RALA: variants seen among roughly 807,000 people sequenced by gnomAD.
RALA encodes ras-related protein Ral-A.
A neutral mutation model predicts 24.0 loss-of-function variants in RALA; 5 were observed. The observed-to-expected ratio is 0.21, with a 90% CI of 0.11 to 0.44. The LOEUF (loss-of-function observed/expected upper bound fraction) is 0.44. RALA is among the 20% of genes least tolerant of loss of function. RALA has a pLI of 0.99. For synonymous variants in RALA, 77 were observed against 83.8 expected (o/e 0.92, Z 0.44); for missense variants, 95 against 241.2 (o/e 0.39, Z 4.01).
intron 1 of RALA, among the ~76,000 whole-genome samples, chr7:39,632,469 A>G (rs1791614410): frequency 1.3e-5 from 2 of 152,318 alleles, no homozygotes; most frequent in Middle Eastern, 3.4e-3. Flanking sequence ...TAGTTTGGCT[A>G]TGTATATACC....
chr7:39,676,716 G>T (rs1231898547), intron 1 of RALA, among the ~76,000 whole-genome samples: 1 of 152,146 alleles, frequency 6.6e-6, no homozygotes, highest in Non-Finnish European at 1.5e-5. Context: ...TGGCAGGCAT[G>T]GGGTATTTGA....
At chr7:39,636,023 T>C (rs1791679657) in intron 1 of RALA, among the ~76,000 whole-genome samples, 1 of 152,226 alleles carries the variant, frequency 6.6e-6, no homozygotes, top group Admixed American at 6.5e-5. Flanking sequence ...TCATCCATGT[T>C]GTAGCATGCG....
intron 1 of RALA, among the ~76,000 whole-genome samples, chr7:39,656,568 T>C (rs896361710): frequency 2.0e-5 from 3 of 152,232 alleles, no homozygotes; most frequent in Non-Finnish European, 4.4e-5. Flanking sequence ...CAAGTTTCTT[T>C]GTCTTCATAC....
intron 1 of RALA, among the ~76,000 whole-genome samples, chr7:39,680,582 A>T (rs188482827): frequency 6.6e-6 from 1 of 152,016 alleles, no homozygotes; most frequent in Admixed American, 6.6e-5. Flanking sequence ...TCAAAAAAAA[A>T]AAAAAGATTA....
At chr7:39,630,156 A>G (rs906970998) in intron 1 of RALA, among the ~76,000 whole-genome samples, 1 of 141,292 alleles carries the variant, frequency 7.1e-6, no homozygotes, top group East Asian at 2.1e-4. Flanking sequence ...TGATCTTCCC[A>G]CCTCAGCCTC....
At chr7:39,640,926 T>G (rs1791803410) in intron 1 of RALA, among the ~76,000 whole-genome samples, 1 of 152,198 alleles carries the variant, frequency 6.6e-6, no homozygotes, top group East Asian at 1.9e-4. Flanking sequence ...CTTCTCCATT[T>G]TACTGGCAGA....
chr7:39,652,329 A>G (rs1194491823), intron 1 of RALA, among the ~76,000 whole-genome samples: 1 of 152,180 alleles, frequency 6.6e-6, no homozygotes, highest in Non-Finnish European at 1.5e-5. Context: ...AAACATTCAA[A>G]CTGTAATAGC....
intron 1 of RALA, among the ~76,000 whole-genome samples, chr7:39,676,853 C>G (rs1407975496): frequency 6.6e-6 from 1 of 152,118 alleles, no homozygotes; most frequent in East Asian, 1.9e-4. Context: ...TCCGAAGCTC[C>G]TTGACCCACT....
intron 3 of RALA, among the ~76,000 whole-genome samples, chr7:39,695,978 C>A (rs927437058): frequency 5.3e-5 from 8 of 152,158 alleles, no homozygotes; most frequent in Non-Finnish European, 1.0e-4. Context: ...TCACATTTAA[C>A]CCTCATAGCA....
At chr7:39,665,525 T>G (rs1792270240) in intron 1 of RALA, among the ~76,000 whole-genome samples, 1 of 152,132 alleles carries the variant, frequency 6.6e-6, no homozygotes, top group Non-Finnish European at 1.5e-5. Flanking sequence ...CCAATCCCTG[T>G]GTTATCCAAG....
At chr7:39,672,598 G>T (rs1007508837) in intron 1 of RALA, among the ~76,000 whole-genome samples, 1 of 149,744 alleles carries the variant, frequency 6.7e-6, no homozygotes, top group Non-Finnish European at 1.5e-5. Flanking sequence ...TTTAAAAAAT[G>T]GAAATAACAT....
chr7:39,649,972 A>G (rs1791993258), intron 1 of RALA, among the ~76,000 whole-genome samples: 1 of 152,234 alleles, frequency 6.6e-6, no homozygotes, highest in South Asian at 2.1e-4. Context: ...GACCTTAACA[A>G]AAGCTTTATA....
Position 39,696,874 on chromosome 7 carries a change from T to C in RALA, c.498+15T>C. On this transcript the variant is annotated intron_variant, in intron 4 of 4. Transcript: ENST00000005257. ...ATGTTGACAAGGTAACACGTGACTCTTTACTACTGCATCATGTTAAAATAG... is the reference window on the plus strand; with the variant it reads ...ATGTTGACAAGGTAACACGTGACTCCTTACTACTGCATCATGTTAAAATAG... 1 of 1,601,428 alleles carries C rather than the reference T, an allele frequency of 6.2e-7. No individual in the cohort carries two copies. The highest frequency in any genetic ancestry group is 1.3e-5 in the African/African-American group (1 of 74,334).
intron 1 of RALA, among the ~76,000 whole-genome samples, chr7:39,678,324 G>C (rs1328682074): frequency 1.3e-5 from 2 of 152,144 alleles, no homozygotes; most frequent in Non-Finnish European, 2.9e-5. Context: ...ATACATTGTG[G>C]AACCTGTTAA....
Position 39,678,194 on chromosome 7 carries a change from T to TAA in RALA, c.-37-8423_-37-8422dup, listed in dbSNP as rs59832559. On this transcript the variant is annotated intron_variant, in intron 1 of 4. Transcript: ENST00000005257. ...TGTACCCTAAAACTTAAAGTATAAT[T>TAA]AAAAAAAAAAAAAAAGATTCATTTT... 1.5e-4 allele frequency among the ~76,000 whole-genome samples: 20 copies of TAA among 137,830 alleles called. 1 individual carries two copies. The highest frequency in any genetic ancestry group is 4.5e-4 in the African/African-American group (17 of 37,928). 90.4% of individuals were successfully genotyped at this position (137,830 alleles called of 152,430 possible). A position where few individuals can be genotyped will look rare whatever the true frequency, so the allele number is the denominator to read the frequency against.
rs1388812503 is a variant in RALA, at chr7:39,623,801, G to T, written c.-62G>T. On this transcript the variant is annotated 5_prime_UTR_variant, in exon 1 of 5. Transcript: ENST00000005257. This position sits in a 1 kb window ranked among gnomAD's most constrained non-coding sequence, Gnocchi z 4.9. Reference sequence around the variant, plus strand: ...CAGCCGCGGCTTCCGGAGCCCTCGGGGCGGCGGACTGGCTCGCGGTGCAGG... The same window carrying T: ...CAGCCGCGGCTTCCGGAGCCCTCGGTGCGGCGGACTGGCTCGCGGTGCAGG... 3 of 152,168 alleles carry T rather than the reference G, an allele frequency of 2.0e-5. No homozygotes were observed. The highest frequency in any genetic ancestry group is 4.4e-5 in the Non-Finnish European group (3 of 68,096). 9.4% of individuals were successfully genotyped at this position (152,168 alleles called of 1,614,324 possible).
chr7:39,673,115 G>A (rs1343040376), intron 1 of RALA, among the ~76,000 whole-genome samples: 2 of 152,112 alleles, frequency 1.3e-5, no homozygotes, highest in Non-Finnish European at 2.9e-5. Flanking sequence ...TTGAGCTTGA[G>A]AGACGGAGGT....
rs141740149 is a variant in RALA, at chr7:39,657,218, G to A, written c.-37-29413G>A. Among the ~76,000 whole-genome samples the A allele has an allele frequency of 8.6e-3, 1,304 of 152,142 alleles. 6 individuals carry two copies. Among genetic ancestry groups the A allele is most frequent in the Middle Eastern group, 0.027 (8 of 294 alleles). On this transcript the variant is annotated intron_variant, in intron 1 of 4. Coordinates refer to ENST00000005257, the MANE Select transcript of RALA (RefSeq NM_005402.4). Reference sequence around the variant, plus strand: ...TGACCTCAGGTGATCTGCCCACCTCGGCCTCCCAAGGTGCTGGGATTACAG... The same window carrying A: ...TGACCTCAGGTGATCTGCCCACCTCAGCCTCCCAAGGTGCTGGGATTACAG...
At chr7:39,688,387 CCT>C (rs1342346532) in intron 2 of RALA, among the ~76,000 whole-genome samples, 2 of 110,802 alleles carry the variant, frequency 1.8e-5, no homozygotes, top group Admixed American at 9.6e-5. Context: ...GAGCAAGACC[CCT>C]GTCTCTTAAA....
Sources: gnomAD v4.1 joint callset for allele counts (sites outside exome capture counted in the v4.1 genomes callset) on GRCh38, gnomAD v4.1.1 for gene constraint, Gnocchi (gnomAD v3.1) non-coding constraint, MANE v1.5 for transcripts, NCBI Gene and HGNC (gene_info 2026-07-23, HGNC 2026-07-21) for gene names.